Variants in UBE3D observed in about 807,000 individuals in gnomAD.
UBE3D encodes ubiquitin protein ligase E3D, also known as E3 ubiquitin-protein ligase E3D.
A neutral mutation model predicts 49.6 loss-of-function variants in UBE3D; 48 were observed. The observed-to-expected ratio is 0.97, with a 90% CI of 0.77 to 1.23. The LOEUF (loss-of-function observed/expected upper bound fraction) is 1.23. UBE3D is among the 50% of genes most tolerant of loss of function. The probability of loss-of-function intolerance (pLI) is 0.00; values close to 1 mark genes in which losing one functional copy is unlikely to be tolerated. For missense variants in UBE3D, 452 were observed against 468.4 expected (o/e 0.96, Z 0.32); for synonymous variants, 189 against 174.2 (o/e 1.08, Z -0.67).
intron 1 of UBE3D, 151 bp downstream of exon 1, chr6:83,065,491 G>A (rs1784431883): frequency 5.7e-6 from 4 of 707,674 alleles, no homozygotes; most frequent in Non-Finnish European, 9.3e-6. Flanking sequence ...GCCGACTACA[G>A]GGGAAAGCTT....
At chr6:83,007,953 T>A (rs199883059) in intron 8 of UBE3D, among the ~76,000 whole-genome samples, 55 of 151,896 alleles carry the variant, frequency 3.6e-4, no homozygotes, top group Non-Finnish European at 5.2e-4. Context: ...TCAAAAAAAG[T>A]AAAAAATATA....
rs147123654 is a variant in UBE3D, at chr6:82,979,507, T to C, written c.1011-22057A>G. Among the ~76,000 whole-genome samples the C allele has an allele frequency of 2.2e-3, 330 of 152,288 alleles. 1 individual carries two copies. Among genetic ancestry groups the C allele is most frequent in the African/African-American group, 7.3e-3 (304 of 41,576 alleles). On this transcript the variant is annotated intron_variant, in intron 8 of 9. Coordinates refer to ENST00000369747, the MANE Select transcript of UBE3D (RefSeq NM_198920.3). ...TGAGTGAAATCTGCTCTTCAGAACC[T>C]GAGCCCTTCAGAAAATATCCAACAA...
At chr6:83,007,335 T>C (rs940092598) in intron 8 of UBE3D, among the ~76,000 whole-genome samples, 14 of 152,170 alleles carry the variant, frequency 9.2e-5, no homozygotes, top group Admixed American at 1.3e-4. Flanking sequence ...TTTTATCCTT[T>C]CAAAAAGGTG....
chr6:83,018,646 T>C (rs1374627839), intron 8 of UBE3D: 1 of 233,540 alleles, frequency 4.3e-6, no homozygotes, highest in African/African-American at 2.3e-5. Flanking sequence ...GTTTGTTCAT[T>C]ATTGTATCCT....
Position 82,898,499 on chromosome 6 carries a change from T to C in UBE3D, c.1150-5457A>G, listed in dbSNP as rs1168873809. Among the ~76,000 whole-genome samples the C allele has an allele frequency of 2.6e-5, 4 of 152,056 alleles. No homozygotes were observed. The East Asian group carries it at 7.7e-4, about 29-fold the overall frequency. ...TACACCACGGAATACTATGCAGCCATAAAAAGGGTGAGTTCATGTCCTTTG... is the reference window on the plus strand; with the variant it reads ...TACACCACGGAATACTATGCAGCCACAAAAAGGGTGAGTTCATGTCCTTTG... On this transcript the variant is annotated intron_variant, in intron 9 of 9. Transcript: ENST00000369747.
chr6:83,054,462 C>T (rs1264459531), intron 2 of UBE3D, among the ~76,000 whole-genome samples: 1 of 152,068 alleles, frequency 6.6e-6, no homozygotes, highest in Non-Finnish European at 1.5e-5. Context: ...ACAGGTACTG[C>T]TCTAGATTAC....
intron 9 of UBE3D, among the ~76,000 whole-genome samples, chr6:82,929,657 T>C (rs2770679): frequency 0.67 from 102,108 of 151,802 alleles, 34,839 homozygotes; most frequent in East Asian, 0.79. Flanking sequence ...TCTTCTTTTC[T>C]CCTTCTTCAT....
intron 3 of UBE3D, among the ~76,000 whole-genome samples, chr6:83,052,776 G>A (rs980635663): frequency 1.3e-5 from 2 of 152,132 alleles, no homozygotes; most frequent in African/African-American, 4.8e-5. Flanking sequence ...AGAAATGGGG[G>A]GCCATGGAGG....
At chr6:83,032,857 T>C (rs1212488478) in intron 5 of UBE3D, among the ~76,000 whole-genome samples, 1 of 152,220 alleles carries the variant, frequency 6.6e-6, no homozygotes, top group Non-Finnish European at 1.5e-5. Flanking sequence ...CATGCTCTGT[T>C]GCCTAATGCC....
At chr6:82,936,343 A>G (rs530607960) in intron 9 of UBE3D, among the ~76,000 whole-genome samples, 25 of 152,338 alleles carry the variant, frequency 1.6e-4, no homozygotes, top group South Asian at 6.2e-4. Context: ...TGGGGACTCA[A>G]TGAAAAGCAG....
At chr6:83,033,752 A>G (rs1346433195) in intron 5 of UBE3D, among the ~76,000 whole-genome samples, 2 of 152,042 alleles carry the variant, frequency 1.3e-5, no homozygotes, top group Non-Finnish European at 2.9e-5. Context: ...TTAAACCTCT[A>G]TTTTCTTTAT....
intron 8 of UBE3D, among the ~76,000 whole-genome samples, chr6:82,988,072 T>C (rs1159714935): frequency 6.6e-6 from 1 of 152,210 alleles, no homozygotes; most frequent in Non-Finnish European, 1.5e-5. Context: ...TACTCATATT[T>C]AGTAAAAGTA....
At chr6:82,950,325 C>T (rs529103323) in intron 9 of UBE3D, among the ~76,000 whole-genome samples, 7 of 152,294 alleles carry the variant, frequency 4.6e-5, no homozygotes, top group Non-Finnish European at 8.8e-5. Context: ...TATCATCTCA[C>T]ACCAGTTAAA....
chr6:82,957,484 G>T, intron 8 of UBE3D, 34 bp from the exon 9 acceptor site: 1 of 1,576,446 alleles, frequency 6.3e-7, no homozygotes. Context: ...TTTCAAAAAT[G>T]CATTATCATA....
At chr6:82,954,089 G>GGCA (rs1391563582) in intron 9 of UBE3D, among the ~76,000 whole-genome samples, 2 of 152,208 alleles carry the variant, frequency 1.3e-5, no homozygotes, top group Non-Finnish European at 2.9e-5. Flanking sequence ...CAGAAAGGGA[G>GGCA]GCAGGGCCAA....
intron 9 of UBE3D, among the ~76,000 whole-genome samples, chr6:82,893,629 A>G (rs1410993485): frequency 6.6e-6 from 1 of 152,246 alleles, no homozygotes; most frequent in Non-Finnish European, 1.5e-5. Flanking sequence ...AACAAAGTCA[A>G]TCATAAATGT....
At chr6:82,932,149 T>C (rs1266451901) in intron 9 of UBE3D, among the ~76,000 whole-genome samples, 4 of 152,182 alleles carry the variant, frequency 2.6e-5, no homozygotes, top group Non-Finnish European at 5.9e-5. Flanking sequence ...TGCTGAACTG[T>C]GAGTCAATTA....
chr6:82,955,463 T>C (rs1171305619), intron 9 of UBE3D, among the ~76,000 whole-genome samples: 2 of 152,160 alleles, frequency 1.3e-5, no homozygotes, highest in African/African-American at 4.8e-5. Flanking sequence ...TATAAAACTA[T>C]TGTTTTTCAG....
intron 9 of UBE3D, among the ~76,000 whole-genome samples, chr6:82,927,551 T>C (rs1175429956): frequency 6.6e-6 from 1 of 152,106 alleles, no homozygotes; most frequent in African/African-American, 2.4e-5. Flanking sequence ...CATCAGAGTT[T>C]TACAATTTTC....
Sources: allele counts gnomAD v4.1 joint callset (sites outside exome capture counted in the v4.1 genomes callset), GRCh38; gene constraint gnomAD v4.1.1; transcripts MANE v1.5; gene names NCBI Gene and HGNC (gene_info 2026-07-23, HGNC 2026-07-21).